Variants in ELMO1 observed in about 807,000 individuals in gnomAD.
ELMO1 encodes the protein engulfment and cell motility 1.
ELMO1 carries 26 observed loss-of-function variants against 98.9 expected under a neutral mutation model. The ratio of observed to expected loss-of-function variants is 0.26; its 90% CI spans 0.19 to 0.36. The LOEUF (loss-of-function observed/expected upper bound fraction) is 0.36, where lower values mean the gene tolerates loss of function less well. Among genes scored for constraint, ELMO1 ranks in the 10% least tolerant of loss-of-function variants. ELMO1 has a pLI of 1.00. For missense variants in ELMO1, 627 were observed against 935.2 expected (o/e 0.67, Z 4.30); for synonymous variants, 346 against 346.0 (o/e 1.00, Z 0.00).
intron 13 of ELMO1, among the ~76,000 whole-genome samples, chr7:37,193,585 C>T (rs1006560880): frequency 2.0e-5 from 3 of 152,006 alleles, no homozygotes; most frequent in Non-Finnish European, 2.9e-5. Context: ...CCTTGGTAAC[C>T]GGCAGCCTTC....
At chr7:37,426,625 C>G (rs1248283937) in intron 1 of ELMO1, among the ~76,000 whole-genome samples, 4 of 152,130 alleles carry the variant, frequency 2.6e-5, no homozygotes. Context: ...CGTTTGGATT[C>G]CAGTCTCAAG....
rs149147364 is a variant in ELMO1 at position 37,205,386 on chromosome 7, C to A, written c.1086+6000G>T. ...TTATGTGTGTTTCTGTTTAAAGACACCCTATTTAGTATATGTTGTTGATTT... is the reference window on the plus strand; with the variant it reads ...TTATGTGTGTTTCTGTTTAAAGACAACCTATTTAGTATATGTTGTTGATTT... On this transcript the variant is annotated intron_variant, in intron 13 of 21. Coordinates refer to ENST00000310758, the MANE Select transcript of ELMO1 (RefSeq NM_014800.11). 2.2e-3 allele frequency among the ~76,000 whole-genome samples: 336 copies of A among 152,272 alleles called. 3 individuals carry two copies. The highest frequency in any genetic ancestry group is 0.01 in the Middle Eastern group (3 of 294).
intron 17 of ELMO1, among the ~76,000 whole-genome samples, chr7:36,888,179 C>G (rs1805207642): frequency 6.6e-6 from 1 of 152,148 alleles, no homozygotes. Flanking sequence ...CCATCATTCA[C>G]AAATGGGGAC....
intron 13 of ELMO1, among the ~76,000 whole-genome samples, chr7:37,149,903 G>A (rs1261852052): frequency 1.3e-5 from 2 of 152,168 alleles, no homozygotes; most frequent in African/African-American, 4.8e-5. Context: ...CCTGGATACT[G>A]TAATGATTTT....
intron 2 of ELMO1, among the ~76,000 whole-genome samples, chr7:37,341,320 T>A (rs993889210): frequency 2.1e-4 from 32 of 152,274 alleles, no homozygotes; most frequent in African/African-American, 7.2e-4. Flanking sequence ...CCAAACTACA[T>A]TTAGTCTGCA....
chr7:37,386,045 CT>C (rs1284531002), intron 1 of ELMO1, among the ~76,000 whole-genome samples: 38 of 152,306 alleles, frequency 2.5e-4, no homozygotes, highest in Admixed American at 2.4e-3. Flanking sequence ...AGTTGCCTGC[CT>C]TTTACCCAGA....
At chr7:37,377,103 C>A (rs1346537179) in intron 1 of ELMO1, among the ~76,000 whole-genome samples, 3 of 152,194 alleles carry the variant, frequency 2.0e-5, no homozygotes, top group Non-Finnish European at 4.4e-5. Flanking sequence ...TACAGGTGGG[C>A]AAAATCATGT....
At chr7:37,110,587 ATAT>A (rs1785200161) in intron 14 of ELMO1, among the ~76,000 whole-genome samples, 1 of 152,162 alleles carries the variant, frequency 6.6e-6, no homozygotes, top group Non-Finnish European at 1.5e-5. Context: ...ATTTAAATAT[ATAT>A]ATATAAGTAT....
intron 16 of ELMO1, among the ~76,000 whole-genome samples, chr7:36,996,306 G>A (rs1043127592): frequency 6.6e-6 from 1 of 152,078 alleles, no homozygotes; most frequent in African/African-American, 2.4e-5. Flanking sequence ...TTGTCCTAGA[G>A]TGTGCTTTTT....
chr7:37,082,106 T>G (rs1797894396), intron 15 of ELMO1, among the ~76,000 whole-genome samples: 1 of 152,200 alleles, frequency 6.6e-6, no homozygotes, highest in Non-Finnish European at 1.5e-5. Flanking sequence ...TTAGGTTCAT[T>G]TCTTCCTCCA....
intron 1 of ELMO1, among the ~76,000 whole-genome samples, chr7:37,381,772 A>G (rs1279699089): frequency 6.6e-6 from 1 of 152,084 alleles, no homozygotes; most frequent in Non-Finnish European, 1.5e-5. Context: ...AGGATTGACC[A>G]CTCCCACCAT....
chr7:37,032,050 T>A (rs913446332), intron 15 of ELMO1, among the ~76,000 whole-genome samples: 1 of 152,126 alleles, frequency 6.6e-6, no homozygotes, highest in Non-Finnish European at 1.5e-5. Context: ...CTTGTTTGGC[T>A]TGATTCAGGC....
chr7:37,271,017 C>A (rs1796530884), intron 5 of ELMO1: 1 of 152,074 alleles, frequency 6.6e-6, no homozygotes, highest in South Asian at 2.1e-4. Context: ...CTGCTCACTG[C>A]AAGCTCCACC....
intron 13 of ELMO1, among the ~76,000 whole-genome samples, chr7:37,209,349 T>A (rs1374272596): frequency 6.6e-6 from 1 of 152,146 alleles, no homozygotes. Flanking sequence ...CATTCTGGGA[T>A]CCAACTGCCC....
chr7:37,254,765 C>T (rs1353265209), intron 6 of ELMO1, among the ~76,000 whole-genome samples: 1 of 152,152 alleles, frequency 6.6e-6, no homozygotes, highest in African/African-American at 2.4e-5. Flanking sequence ...TTATGCAGTG[C>T]GTGACTGTAG....
At chr7:37,008,191 A>C (rs551975856) in intron 16 of ELMO1, among the ~76,000 whole-genome samples, 70 of 152,340 alleles carry the variant, frequency 4.6e-4, no homozygotes, top group African/African-American at 1.7e-3. Flanking sequence ...CTAGGAACAA[A>C]TATTTTGATG....
chr7:37,309,342 T>G (rs1417778666), intron 4 of ELMO1, among the ~76,000 whole-genome samples: 1 of 152,112 alleles, frequency 6.6e-6, no homozygotes, highest in African/African-American at 2.4e-5. Flanking sequence ...TTCAATTATC[T>G]CCCACCAGGT....
intron 2 of ELMO1, among the ~76,000 whole-genome samples, chr7:37,321,124 G>A (rs1311365058): frequency 2.0e-5 from 3 of 152,150 alleles, no homozygotes; most frequent in Non-Finnish European, 4.4e-5. Flanking sequence ...ACTCTCATAA[G>A]CAGACAAGAC....
rs140339471 is a variant in ELMO1, at chr7:37,232,911, A to C, written c.549+184T>G. ...CACATGCAATCCCTTATAATCTCTT[A>C]CAATCATTTTTATACAGAATTTGGG... On this transcript the variant is annotated intron_variant, in intron 8 of 21. Transcript: ENST00000310758. Among the ~76,000 whole-genome samples the C allele has an allele frequency of 2.0e-3, 306 of 152,344 alleles. 4 individuals carry two copies. The highest frequency in any genetic ancestry group is 6.9e-3 in the African/African-American group (287 of 41,572).
Sources: allele counts gnomAD v4.1 joint callset (sites outside exome capture counted in the v4.1 genomes callset), GRCh38; gene constraint gnomAD v4.1.1; transcripts MANE v1.5; gene names NCBI Gene and HGNC (gene_info 2026-07-23, HGNC 2026-07-21).